Variants in FAM135A observed in about 807,000 individuals in gnomAD.
FAM135A encodes the protein protein FAM135A.
A neutral mutation model predicts 146.8 loss-of-function variants in FAM135A; 79 were observed. That is an observed-to-expected ratio of 0.54 (90% CI 0.45 to 0.65). FAM135A has a LOEUF of 0.65. Among genes scored for constraint, FAM135A ranks in the 30% least tolerant of loss-of-function variants. FAM135A has a pLI of 0.00. For synonymous variants in FAM135A, 562 were observed against 603.6 expected (o/e 0.93, Z 1.01); for missense variants, 1,623 against 1,758.2 (o/e 0.92, Z 1.38).
At chr6:70,492,224 A>G (rs1297800096) in intron 11 of FAM135A, among the ~76,000 whole-genome samples, 2 of 151,884 alleles carry the variant, frequency 1.3e-5, no homozygotes, top group Non-Finnish European at 3.0e-5. Flanking sequence ...ACAGCCCTAA[A>G]ATAGTCACTA....
intron 12 of FAM135A, among the ~76,000 whole-genome samples, chr6:70,512,529 G>A (rs766296452): frequency 2.6e-5 from 4 of 151,580 alleles, no homozygotes; most frequent in African/African-American, 7.3e-5. Flanking sequence ...GTTTGGTGTC[G>A]TCAGTCTTTA....
intron 4 of FAM135A, among the ~76,000 whole-genome samples, chr6:70,449,878 A>C (rs1276496143): frequency 6.6e-6 from 1 of 152,178 alleles, no homozygotes; most frequent in East Asian, 1.9e-4. Context: ...CATTCTCACC[A>C]ATAGTGTGCA....
In FAM135A at chr6:70,526,000, T is replaced by G. The variant is rs372934991; in HGVS notation, c.2916T>G (p.Ile972Met). The change falls in exon 15 of 22, where the codon ATT becomes ATG. Residue 972 changes from isoleucine to methionine, a missense_variant. Physicochemically the swap from Ile to Met is conservative, Grantham distance 10 (BLOSUM62 1). Transcript: ENST00000418814. ...GTAITLNSKL[I>M]CLGTPCVISG... ...CAATTACATTAAATTCAAAACTGATTTGTTTAGGCACTCCTTGTGTCATTT... is the reference window on the plus strand; with the variant it reads ...CAATTACATTAAATTCAAAACTGATGTGTTTAGGCACTCCTTGTGTCATTT... The G allele has an allele frequency of 7.4e-6, 12 of 1,612,856 alleles. No homozygotes were observed. In the African/African-American group the frequency reaches 1.5e-4, roughly 20 times the overall value.
chr6:70,542,248 G>GCACA (rs112638092), intron 20 of FAM135A, among the ~76,000 whole-genome samples: 5,400 of 141,878 alleles, frequency 0.038, 175 homozygotes, highest in African/African-American at 0.1. Context: ...TTTTTATCCT[G>GCACA]CACACACACA....
chr6:70,510,647 A>G (rs1415726689), intron 12 of FAM135A, among the ~76,000 whole-genome samples: 1 of 152,092 alleles, frequency 6.6e-6, no homozygotes, highest in Non-Finnish European at 1.5e-5. Flanking sequence ...GATATACTAC[A>G]TTATTTTATC....
In FAM135A at chr6:70,525,680, A is replaced by G. The variant is rs779983353; in HGVS notation, c.2596A>G (p.Asn866Asp). ...ATCTGTTGTACCTGAATGCCATCTA[A>G]ATGATAGCAAAACTGTATTAAATCT... ...KKSVVPECHL[N>D]DSKTVLNLGT... The change falls in exon 15 of 22, where the codon AAT becomes GAT. Residue 866 changes from asparagine to aspartate, a missense_variant. Physicochemically the swap from Asn to Asp is conservative, Grantham distance 23 (BLOSUM62 1). This residue lies in a region of FAM135A where 1,061 missense variants were observed against 1,113.8 expected (regional missense o/e 0.95). Coordinates refer to ENST00000418814, the MANE Select transcript of FAM135A (RefSeq NM_001162529.3). The G allele has an allele frequency of 6.2e-7, 1 of 1,612,476 alleles. No homozygotes were observed. The highest frequency in any genetic ancestry group is 1.1e-5 in the South Asian group (1 of 90,740).
At chr6:70,538,088 AT>A (rs1797111903) in intron 19 of FAM135A, among the ~76,000 whole-genome samples, 1 of 152,208 alleles carries the variant, frequency 6.6e-6, no homozygotes, top group African/African-American at 2.4e-5. Flanking sequence ...ACCACCATTA[AT>A]TCATAATTAA....
intron 11 of FAM135A, among the ~76,000 whole-genome samples, chr6:70,501,640 C>T (rs923912447): frequency 6.6e-6 from 1 of 152,246 alleles, no homozygotes; most frequent in Non-Finnish European, 1.5e-5. Context: ...ATGAGGGAAC[C>T]TCCTGATCTG....
In FAM135A at chr6:70,485,550, G is replaced by A. The variant is rs145107998; in HGVS notation, c.823+3396G>A. Among the ~76,000 whole-genome samples the A allele has an allele frequency of 1.3e-3, 196 of 152,154 alleles. 2 individuals are homozygous for A. The highest frequency in any genetic ancestry group is 4.5e-3 in the African/African-American group (187 of 41,522). ...ACTATATTCACCAGTTTTAATAAGT[G>A]GATACAGAGTAGTTCTTGATTAAAG... On this transcript the variant is annotated intron_variant, in intron 10 of 21. Coordinates refer to ENST00000418814, the MANE Select transcript of FAM135A (RefSeq NM_001162529.3).
intron 18 of FAM135A, chr6:70,535,784 ATT>A (rs1296809296): frequency 6.6e-6 from 1 of 152,506 alleles, no homozygotes; most frequent in Middle Eastern, 3.4e-3. Context: ...CCTTGAAAAT[ATT>A]GTTAGTCAAA....
chr6:70,534,241 C>CATATATGTATATG (rs59586392), intron 18 of FAM135A, among the ~76,000 whole-genome samples: 2 of 143,004 alleles, frequency 1.4e-5, no homozygotes, highest in African/African-American at 5.3e-5. Context: ...CTGTGAGTTA[C>CATATATGTATATG]ATATATGTAT....
intron 5 of FAM135A, among the ~76,000 whole-genome samples, chr6:70,455,103 G>A (rs989083052): frequency 2.0e-5 from 3 of 151,958 alleles, no homozygotes; most frequent in Admixed American, 6.6e-5. Flanking sequence ...CTTTTATTTA[G>A]TTGAGCAGTG....
chr6:70,515,279 T>C lies in FAM135A; in HGVS notation c.1030-7234T>C, dbSNP rs149398455. Among the ~76,000 whole-genome samples, 464 of 152,296 alleles carry C rather than the reference T, an allele frequency of 3.0e-3. 1 individual carries two copies. Among genetic ancestry groups the C allele is most frequent in the African/African-American group, 0.01 (418 of 41,564 alleles). ...ACCGCTTGGTGTTTACCCAAATGAA[T>C]TGAAAATTTATGTCCACACAAAAAC... On this transcript the variant is annotated intron_variant, in intron 12 of 21. Coordinates refer to ENST00000418814, the MANE Select transcript of FAM135A (RefSeq NM_001162529.3).
intron 20 of FAM135A, among the ~76,000 whole-genome samples, chr6:70,538,645 C>G (rs1037347513): frequency 2.7e-4 from 41 of 151,872 alleles, no homozygotes; most frequent in Non-Finnish European, 4.6e-4. Flanking sequence ...TGAAATTGCC[C>G]TAAGAATTTC....
At chr6:70,425,796 C>T (rs890755398) in intron 2 of FAM135A, among the ~76,000 whole-genome samples, 2 of 152,134 alleles carry the variant, frequency 1.3e-5, no homozygotes, top group Admixed American at 6.5e-5. Flanking sequence ...TGGTGAGTTC[C>T]ACCTCTTAAA....
In FAM135A at chr6:70,526,274, A is replaced by T. The variant is rs1794669936; in HGVS notation, c.3190A>T (p.Ser1064Cys). 1.9e-6 allele frequency: 3 copies of T among 1,613,454 alleles called. No homozygotes were observed. The South Asian group carries it at 3.3e-5, about 18-fold the overall frequency. Reference protein sequence around the residue: ...TCAVSYSNALSPQKETSEKEI... With the variant: ...TCAVSYSNALCPQKETSEKEI... ...TGCTGTTAGCTACAGCAATGCACTT[A>T]GCCCTCAGAAGGAAACTTCTGAAAA... is the stretch of plus-strand genomic sequence containing the variant. Residue 1064 changes from serine to cysteine, a missense_variant, in exon 15 of 22, where the codon AGC becomes TGC. By Grantham distance (112) the Ser-to-Cys change is moderately radical. Around this residue, in one of 7 missense-constraint regions of FAM135A, gnomAD observed 1,061 missense variants for 1,113.8 expected, o/e 0.95. Coordinates refer to ENST00000418814, the MANE Select transcript of FAM135A (RefSeq NM_001162529.3).
chr6:70,458,728 A>G (rs74751032), intron 5 of FAM135A, among the ~76,000 whole-genome samples: 19,179 of 152,178 alleles, frequency 0.13, 1,487 homozygotes, highest in Middle Eastern at 0.19. Context: ...GACTTATGAC[A>G]TGCGTCTCAC....
chr6:70,459,102 G>C (rs1778929555), intron 5 of FAM135A, among the ~76,000 whole-genome samples: 1 of 151,896 alleles, frequency 6.6e-6, no homozygotes, highest in African/African-American at 2.4e-5. Context: ...TTTTACCTCT[G>C]TTCCTTAAAA....
At chr6:70,417,967 T>C (rs1767926940) in intron 2 of FAM135A, among the ~76,000 whole-genome samples, 1 of 152,240 alleles carries the variant, frequency 6.6e-6, no homozygotes, top group African/African-American at 2.4e-5. Flanking sequence ...TTGTCTTTCC[T>C]TTGGAAGATG....
Sources: gnomAD v4.1 joint callset for allele counts (sites outside exome capture counted in the v4.1 genomes callset) on GRCh38, gnomAD v4.1.1 for gene constraint, gnomAD v4.1.1 regional missense constraint, MANE v1.5 for transcripts, NCBI Gene and HGNC (gene_info 2026-07-23, HGNC 2026-07-21) for gene names.